ANKRD17: variants seen among roughly 807,000 people sequenced by gnomAD.
ANKRD17 encodes ankyrin repeat domain 17.
ANKRD17 carries 19 observed loss-of-function variants against 229.7 expected under a neutral mutation model. The ratio of observed to expected loss-of-function variants is 0.08; its 90% CI spans 0.06 to 0.12. The LOEUF is 0.12. Among genes scored for constraint, ANKRD17 ranks in the 10% least tolerant of loss-of-function variants. ANKRD17 has a pLI of 1.00. For missense variants in ANKRD17, 2,176 were observed against 3,176.8 expected (o/e 0.68, Z 7.57); for synonymous variants, 1,112 against 1,146.1 (o/e 0.97, Z 0.60).
At chr4:73,140,394 A>G in intron 14 of ANKRD17, 111 bp from the exon 15 acceptor site, 2 of 1,093,324 alleles carry the variant, frequency 1.8e-6, no homozygotes, top group East Asian at 2.7e-5. Context: ...TCATATCCAT[A>G]ACAGGTGAAA....
chr4:73,187,421 A>G (rs1346840783), intron 1 of ANKRD17, among the ~76,000 whole-genome samples: 3 of 152,212 alleles, frequency 2.0e-5, no homozygotes, highest in African/African-American at 7.2e-5. Context: ...TGGAAGTGAG[A>G]CAGGAAAATG....
intron 30 of ANKRD17, among the ~76,000 whole-genome samples, chr4:73,084,693 C>A (rs1427541927): frequency 6.6e-6 from 1 of 152,136 alleles, no homozygotes; most frequent in Non-Finnish European, 1.5e-5. Context: ...AGGTGATCCA[C>A]CCGCCTTGGC....
At position 73,075,662 on chromosome 4, in the gene ANKRD17, A is replaced by G. The variant is rs1448162579; in HGVS notation, c.*569T>C. 1 of 152,660 alleles carries G rather than the reference A, an allele frequency of 6.6e-6. No individual in the cohort carries two copies. The highest frequency in any genetic ancestry group is 2.4e-5 in the African/African-American group (1 of 41,458). The allele number at this position is 152,660 out of a possible 1,614,324, so 9.5% of individuals were successfully genotyped here. On this transcript the variant is annotated 3_prime_UTR_variant, in exon 34 of 34. Coordinates refer to ENST00000358602, the MANE Select transcript of ANKRD17 (RefSeq NM_032217.5). ...GATAATGCCCATTATTTTACTTTAT[A>G]CTTAAATTACACCAGTAGAAAAGTT...
Position 73,226,134 on chromosome 4 carries a change from C to A in ANKRD17, c.393+32142G>T, listed in dbSNP as rs1274632858. ...GGGACTACAGGCGCGTGCCACCACG[C>A]CCATCTAACTTTTAGTATTTTTAGT... On this transcript the variant is annotated intron_variant, in intron 1 of 33. Coordinates refer to ENST00000358602, the MANE Select transcript of ANKRD17 (RefSeq NM_032217.5). Among the ~76,000 whole-genome samples the A allele has an allele frequency of 1.3e-5, 2 of 151,088 alleles. 1 individual carries two copies. Among genetic ancestry groups the A allele is most frequent in the Admixed American group, 1.3e-4 (2 of 15,180 alleles).
chr4:73,240,131 TAG>T (rs1743881920), intron 1 of ANKRD17, among the ~76,000 whole-genome samples: 1 of 152,118 alleles, frequency 6.6e-6, no homozygotes, highest in Non-Finnish European at 1.5e-5. Context: ...TAATAATGTA[TAG>T]AGATTTTCAA....
chr4:73,208,004 C>T (rs1233863570), intron 1 of ANKRD17, among the ~76,000 whole-genome samples: 7 of 151,884 alleles, frequency 4.6e-5, no homozygotes, highest in East Asian at 1.9e-4. Context: ...CTGGCTAACA[C>T]GGTGAAACCC....
chr4:73,157,960 CGTG>C (rs1731893157), intron 3 of ANKRD17, among the ~76,000 whole-genome samples: 2 of 151,622 alleles, frequency 1.3e-5, no homozygotes, highest in Non-Finnish European at 2.9e-5. Flanking sequence ...GGCATGGCAG[CGTG>C]GCCTATAGTC....
At chr4:73,182,926 C>T (rs994841411) in intron 1 of ANKRD17, among the ~76,000 whole-genome samples, 9 of 152,016 alleles carry the variant, frequency 5.9e-5, no homozygotes, top group African/African-American at 2.2e-4. Context: ...TTGTAACAAC[C>T]AAAAATGTCT....
Position 73,078,910 on chromosome 4 carries a change from A to C in ANKRD17, c.7160-20T>G, listed in dbSNP as rs1488814170. On this transcript the variant is annotated intron_variant, in intron 30 of 33. Coordinates refer to ENST00000358602, the MANE Select transcript of ANKRD17 (RefSeq NM_032217.5). ...AAGAATCTAGAGAAGAGATATTTTGAAATAAAATACAGGTCATCTATAGAA... is the reference window on the plus strand; with the variant it reads ...AAGAATCTAGAGAAGAGATATTTTGCAATAAAATACAGGTCATCTATAGAA... The C allele has an allele frequency of 2.5e-6, 4 of 1,601,794 alleles. No homozygotes were observed. The highest frequency in any genetic ancestry group is 3.4e-6 in the Non-Finnish European group (4 of 1,174,220).
chr4:73,090,619 C>G (rs1395658829), intron 29 of ANKRD17, 48 bp downstream of exon 29: 5 of 1,606,434 alleles, frequency 3.1e-6, no homozygotes, highest in Non-Finnish European at 4.2e-6. Context: ...ATTTTCACAT[C>G]ACTTGTGCAA....
At chr4:73,145,708 T>C (rs987878665) in intron 10 of ANKRD17, among the ~76,000 whole-genome samples, 5 of 151,258 alleles carry the variant, frequency 3.3e-5, no homozygotes, top group African/African-American at 1.2e-4. Context: ...GAAGAAGCTC[T>C]AAGTCTAACA....
chr4:73,079,609 T>C (rs1052602524), intron 30 of ANKRD17, among the ~76,000 whole-genome samples: 10 of 152,124 alleles, frequency 6.6e-5, no homozygotes, highest in Non-Finnish European at 1.3e-4. Flanking sequence ...GAACATTATA[T>C]ATACTGATAA....
chr4:73,122,212 T>C (rs959751477), intron 18 of ANKRD17, among the ~76,000 whole-genome samples: 1 of 152,164 alleles, frequency 6.6e-6, no homozygotes, highest in African/African-American at 2.4e-5. Flanking sequence ...TTTTCTAAGA[T>C]AACATTAAAA....
At chr4:73,138,875 A>T (rs1272131213) in intron 15 of ANKRD17, among the ~76,000 whole-genome samples, 9 of 152,154 alleles carry the variant, frequency 5.9e-5, no homozygotes, top group Non-Finnish European at 5.9e-5. Context: ...AATAAAATTT[A>T]TCTGGCTACA....
intron 1 of ANKRD17, among the ~76,000 whole-genome samples, chr4:73,213,031 GA>G (rs11371589): frequency 3.8e-5 from 5 of 131,320 alleles, no homozygotes; most frequent in African/African-American, 5.8e-5. Flanking sequence ...CGTTTCAGGG[GA>G]AAAAAAAAAA....
intron 1 of ANKRD17, among the ~76,000 whole-genome samples, chr4:73,204,781 G>C (rs1739230246): frequency 6.6e-6 from 1 of 152,120 alleles, no homozygotes; most frequent in Non-Finnish European, 1.5e-5. Flanking sequence ...ATATTTTCGG[G>C]AAGTGGTATT....
intron 5 of ANKRD17, 58 bp from the exon 6 acceptor site, chr4:73,154,171 G>A: frequency 8.3e-7 from 1 of 1,211,646 alleles, no homozygotes; most frequent in African/African-American, 1.5e-5. Context: ...ATAAATTAAA[G>A]TGCTAATTTA....
chr4:73,150,470 A>G (rs1730865633), intron 7 of ANKRD17, among the ~76,000 whole-genome samples: 2 of 152,150 alleles, frequency 1.3e-5, no homozygotes, highest in African/African-American at 4.8e-5. Context: ...TTTAATCCTC[A>G]CAACTCCAGA....
At chr4:73,124,823 G>T in intron 18 of ANKRD17, 90 bp downstream of exon 18, 2 of 1,454,446 alleles carry the variant, frequency 1.4e-6, no homozygotes, top group Non-Finnish European at 1.9e-6. Flanking sequence ...AAACGTCAAA[G>T]CATTGTTCTG....
Sources: allele counts gnomAD v4.1 joint callset (sites outside exome capture counted in the v4.1 genomes callset), GRCh38; gene constraint gnomAD v4.1.1; transcripts MANE v1.5; gene names NCBI Gene and HGNC (gene_info 2026-07-23, HGNC 2026-07-21).